The following RADIL variants were observed in gnomAD, a reference collection of about 807,000 sequenced individuals.
RADIL encodes ras-associating and dilute domain-containing protein.
Under a neutral mutation model 97.6 loss-of-function variants are expected in RADIL, and 99 were observed. The ratio of observed to expected loss-of-function variants is 1.01; its 90% CI spans 0.86 to 1.20. The LOEUF (loss-of-function observed/expected upper bound fraction) is 1.20. Ranked by LOEUF, RADIL falls within the 50% of genes most tolerant of loss-of-function variation. The pLI is 0.00. For synonymous variants in RADIL, 803 were observed against 691.8 expected, an observed-to-expected ratio of 1.16 and a Z score of -2.52; for missense variants, 1,765 against 1,498.9, an observed-to-expected ratio of 1.18 and a Z score of -2.93.
chr7:4,879,581 C>T lies in RADIL; in HGVS notation c.-64-1378G>A, dbSNP rs141492454. Among the ~76,000 whole-genome samples the T allele has an allele frequency of 4.1e-4, 63 of 152,198 alleles. No homozygotes were observed. The highest frequency in any genetic ancestry group is 1.3e-3 in the African/African-American group (53 of 41,540). On this transcript the variant is annotated intron_variant, in intron 1 of 14. Coordinates refer to ENST00000399583, the MANE Select transcript of RADIL (RefSeq NM_018059.5). This position sits in a 1 kb window ranked among gnomAD's most constrained non-coding sequence, Gnocchi z 4.1. ...ACACAGCACGGGTCGCCTGCCACTG[C>T]GACCGGGGTCAGTACTAAACACCGC...
At chr7:4,828,336 A>T (rs1460095128) in intron 5 of RADIL, among the ~76,000 whole-genome samples, 1 of 152,208 alleles carries the variant, frequency 6.6e-6, no homozygotes, top group Non-Finnish European at 1.5e-5. Context: ...GCGTGCACTT[A>T]TAGTCCCAGC....
intron 2 of RADIL, among the ~76,000 whole-genome samples, chr7:4,851,781 T>A (rs1393672423): frequency 2.0e-5 from 3 of 152,138 alleles, no homozygotes; most frequent in African/African-American, 7.2e-5. Flanking sequence ...CTGGACAAGT[T>A]TGAAAATGCG....
chr7:4,863,670 A>C (rs1448651988), intron 2 of RADIL, among the ~76,000 whole-genome samples: 1 of 152,206 alleles, frequency 6.6e-6, no homozygotes, highest in Non-Finnish European at 1.5e-5. Flanking sequence ...TTTCCCACCC[A>C]AGTCAAGAGA....
intron 2 of RADIL, among the ~76,000 whole-genome samples, chr7:4,862,350 C>T (rs756377453): frequency 2.6e-4 from 39 of 152,192 alleles, no homozygotes; most frequent in Non-Finnish European, 4.7e-4. Context: ...TGGGAACCCG[C>T]GGTGGAAAGC....
At position 4,818,210 on chromosome 7, in the gene RADIL, G is replaced by A. The variant is rs568818391; in HGVS notation, c.1616-859C>T. Among the ~76,000 whole-genome samples, 5 of 152,290 alleles carry A rather than the reference G, an allele frequency of 3.3e-5. No homozygotes were observed. Among genetic ancestry groups the A allele is most frequent in the South Asian group, 2.1e-4 (1 of 4,834 alleles). Reference sequence around the variant, plus strand: ...ATCGTGGGGGCTGCCTGTCCAGGCCGCCTGCCAGGGCTGCATGGGCGGCGC... The same window carrying A: ...ATCGTGGGGGCTGCCTGTCCAGGCCACCTGCCAGGGCTGCATGGGCGGCGC... On this transcript the variant is annotated intron_variant, in intron 6 of 14. Transcript: ENST00000399583. The surrounding 1 kb of genome is among the most constrained non-coding windows in gnomAD (Gnocchi z 7.1).
chr7:4,852,701 C>A (rs1212499874), intron 2 of RADIL, among the ~76,000 whole-genome samples: 1 of 152,130 alleles, frequency 6.6e-6, no homozygotes, highest in Non-Finnish European at 1.5e-5. Context: ...TGCCACCACA[C>A]CCTGATAATT....
intron 9 of RADIL, chr7:4,809,513 G>C: frequency 1.0e-6 from 1 of 985,388 alleles, no homozygotes; most frequent in Non-Finnish European, 1.2e-6. Context: ...ACAAGAACAA[G>C]AACGTGGGCG....
chr7:4,831,577 C>CAA (rs397889423), intron 5 of RADIL, among the ~76,000 whole-genome samples: 2,148 of 77,708 alleles, frequency 0.028, 45 homozygotes, highest in Middle Eastern at 0.042. Context: ...TGAAGATTCT[C>CAA]AAAAAAAAAA....
intron 2 of RADIL, chr7:4,860,703 G>A (rs1007017295): frequency 1.2e-6 from 2 of 1,614,100 alleles, no homozygotes; most frequent in Non-Finnish European, 1.7e-6. Context: ...TTGTACTTTT[G>A]AAAGAAGCTT....
chr7:4,827,123 G>A (rs1783004388), intron 5 of RADIL, among the ~76,000 whole-genome samples: 1 of 152,154 alleles, frequency 6.6e-6, no homozygotes, highest in African/African-American at 2.4e-5. Context: ...CCAGCACTTT[G>A]GGAGGCCAAG....
At chr7:4,832,094 C>A (rs758287799) in intron 5 of RADIL, 47 bp downstream of exon 5, 25 of 1,603,284 alleles carry the variant, frequency 1.6e-5, no homozygotes, top group Non-Finnish European at 6.0e-6. Flanking sequence ...TGTGAGCCCC[C>A]AGGACCTGCT....
chr7:4,835,268 C>T lies in RADIL; in HGVS notation c.784-29G>A, dbSNP rs755166384. Reference sequence around the variant, plus strand: ...AAACAGAGACTCCGCTCAGGGCAGGCGTAACGCGAGCAGCACACGGGAAAA... The same window carrying T: ...AAACAGAGACTCCGCTCAGGGCAGGTGTAACGCGAGCAGCACACGGGAAAA... On this transcript the variant is annotated intron_variant, in intron 3 of 14. Coordinates refer to ENST00000399583, the MANE Select transcript of RADIL (RefSeq NM_018059.5). This position sits in a 1 kb window ranked among gnomAD's most constrained non-coding sequence, Gnocchi z 5.8. 5 of 1,600,238 alleles carry T rather than the reference C, an allele frequency of 3.1e-6. No individual in the cohort carries two copies. Among genetic ancestry groups the T allele is most frequent in the Non-Finnish European group, 4.2e-6 (5 of 1,178,470 alleles).
rs1176532942 is a variant in RADIL at position 4,818,377 on chromosome 7, CCT to C, written c.1616-1028_1616-1027del. 2.0e-5 allele frequency among the ~76,000 whole-genome samples: 3 copies of C among 152,334 alleles called. No homozygotes were observed. In the East Asian group the frequency reaches 5.8e-4, roughly 29 times the overall value. On this transcript the variant is annotated intron_variant, in intron 6 of 14. Coordinates refer to ENST00000399583, the MANE Select transcript of RADIL (RefSeq NM_018059.5). This position sits in a 1 kb window ranked among gnomAD's most constrained non-coding sequence, Gnocchi z 7.1. ...GGTGCGCCAAGCCCTTGGACAAGCC[CCT>C]GTCACTTTCGCTCTGCCGCTCCTGG...
rs532333420 is a variant in RADIL at position 4,874,286 on chromosome 7, G to A, written c.535+3319C>T. Reference sequence around the variant, plus strand: ...ACACTCTAGCGCAAAGCTTCTGGGCGCGGGCCTGTTTGAGGCAGGGCTGTC... The same window carrying A: ...ACACTCTAGCGCAAAGCTTCTGGGCACGGGCCTGTTTGAGGCAGGGCTGTC... On this transcript the variant is annotated intron_variant, in intron 2 of 14. Coordinates refer to ENST00000399583, the MANE Select transcript of RADIL (RefSeq NM_018059.5). Among the ~76,000 whole-genome samples, 89 of 152,386 alleles carry A rather than the reference G, an allele frequency of 5.8e-4. 1 individual carries two copies. The South Asian group carries it at 0.018, about 31-fold the overall frequency.
At chr7:4,874,463 T>G (rs1388855410) in intron 2 of RADIL, among the ~76,000 whole-genome samples, 1 of 152,216 alleles carries the variant, frequency 6.6e-6, no homozygotes, top group Non-Finnish European at 1.5e-5. Flanking sequence ...CTCTACCAGC[T>G]GCTCCATCTC....
intron 9 of RADIL, chr7:4,806,067 G>A: frequency 1.0e-6 from 1 of 985,328 alleles, no homozygotes; most frequent in Non-Finnish European, 1.2e-6. Context: ...CGGTGTGAAA[G>A]AAATCAATCA....
chr7:4,822,532 T>G lies in RADIL; in HGVS notation c.1477A>C (p.Ser493Arg). Residue 493 changes from serine to arginine, a missense_variant, in exon 6 of 15, where the codon AGC becomes CGC. By Grantham distance (110) the Ser-to-Arg change is moderately radical. Coordinates refer to ENST00000399583, the MANE Select transcript of RADIL (RefSeq NM_018059.5). The surrounding 1 kb of genome is among the most constrained non-coding windows in gnomAD (Gnocchi z 5.3). ...GGAACCAGATCAGCCATGGCGCAGC[T>G]GGCCAGCGAGATGGGCTCCTGGCTA... is the stretch of plus-strand genomic sequence containing the variant. Reference protein sequence around the residue: ...AQLQEPISLASCAMADLVPDL... With the variant: ...AQLQEPISLARCAMADLVPDL... 6.2e-7 allele frequency: 1 copy of G among 1,613,022 alleles called. No homozygotes were observed. Among genetic ancestry groups the G allele is most frequent in the Non-Finnish European group, 8.5e-7 (1 of 1,179,974 alleles).
chr7:4,817,971 G>A lies in RADIL; in HGVS notation c.1616-620C>T, dbSNP rs576814637. Among the ~76,000 whole-genome samples, 5 of 152,340 alleles carry A rather than the reference G, an allele frequency of 3.3e-5. No individual in the cohort carries two copies. The highest frequency in any genetic ancestry group is 2.1e-4 in the South Asian group (1 of 4,830). On this transcript the variant is annotated intron_variant, in intron 6 of 14. Transcript: ENST00000399583. The surrounding 1 kb of genome is among the most constrained non-coding windows in gnomAD (Gnocchi z 8.3). The stretch of plus-strand genomic sequence containing the variant: ...CCTTCCCCGGGGGCTTCCAGAAAGT[G>A]AGGGAGCATGTGGTGGTCTCAGTGA...
At chr7:4,830,143 G>C (rs1334268928) in intron 5 of RADIL, among the ~76,000 whole-genome samples, 2 of 152,218 alleles carry the variant, frequency 1.3e-5, no homozygotes, top group African/African-American at 4.8e-5. Context: ...GTGTGTGTGC[G>C]TGTGGGCATT....
Sources: gnomAD v4.1 joint callset for allele counts (sites outside exome capture counted in the v4.1 genomes callset) on GRCh38, gnomAD v4.1.1 for gene constraint, Gnocchi (gnomAD v3.1) non-coding constraint, MANE v1.5 for transcripts, NCBI Gene and HGNC (gene_info 2026-07-23, HGNC 2026-07-21) for gene names.